NAP1L4: variants seen among roughly 807,000 people sequenced by gnomAD.
The protein encoded by NAP1L4 is nucleosome assembly protein 1-like 4.
Under a neutral mutation model 58.2 loss-of-function variants are expected in NAP1L4, and 15 were observed. That is an observed-to-expected ratio of 0.26 (90% CI 0.17 to 0.40). The LOEUF is 0.40. NAP1L4 is among the 10% of genes least tolerant of loss of function. NAP1L4 has a pLI of 1.00. For synonymous variants in NAP1L4, 171 were observed against 155.6 expected (o/e 1.10, Z -0.74); for missense variants, 384 against 451.1 (o/e 0.85, Z 1.35).
intron 1 of NAP1L4, chr11:2,989,899 T>C (rs1302469246): frequency 1.3e-5 from 2 of 152,254 alleles, no homozygotes; most frequent in Non-Finnish European, 2.9e-5. Flanking sequence ...AAGAATCTGA[T>C]GGCTAAATGG....
chr11:2,974,224 G>C (rs953354593), intron 4 of NAP1L4, among the ~76,000 whole-genome samples: 2 of 152,102 alleles, frequency 1.3e-5, no homozygotes, highest in South Asian at 4.1e-4. Context: ...TTGGTGTGCT[G>C]CACCCATTAA....
intron 9 of NAP1L4, 96 bp from the exon 10 acceptor site, chr11:2,958,640 T>C: frequency 7.6e-7 from 1 of 1,312,684 alleles, no homozygotes; most frequent in Non-Finnish European, 1.0e-6. Context: ...ATGCCAAACC[T>C]GGAAAACGAA....
intron 9 of NAP1L4, chr11:2,958,989 AGCCCCAGGG>A: frequency 2.8e-5 from 5 of 181,016 alleles, no homozygotes; most frequent in South Asian, 2.2e-4. Context: ...AGACCACTCC[AGCCCCAGGG>A]ATGCTGGCGA....
intron 8 of NAP1L4, among the ~76,000 whole-genome samples, chr11:2,963,537 G>A (rs564967925): frequency 6.6e-6 from 1 of 152,290 alleles, no homozygotes; most frequent in African/African-American, 2.4e-5. Context: ...GTGGAAAACA[G>A]ACAGGAAAAA....
Position 2,985,287 on chromosome 11 carries a change from G to T in NAP1L4, c.-17-6050C>A, listed in dbSNP as rs538331534. ...GAGGTGGTATTATAAACAAGCTAGA[G>T]TTCAGTCAAGTTTCAGCACCACAAA... On this transcript the variant is annotated intron_variant, in intron 1 of 15. Transcript: ENST00000380542. Among the ~76,000 whole-genome samples the T allele has an allele frequency of 2.0e-5, 3 of 152,284 alleles. No individual in the cohort carries two copies. The East Asian group carries it at 5.8e-4, about 29-fold the overall frequency.
Position 2,971,553 on chromosome 11 carries a change from T to G in NAP1L4, c.316-19A>C. 3.1e-6 allele frequency: 5 copies of G among 1,596,762 alleles called. No individual in the cohort carries two copies. The highest frequency in any genetic ancestry group is 4.3e-6 in the Non-Finnish European group (5 of 1,166,578). On this transcript the variant is annotated intron_variant, in intron 5 of 15. Coordinates refer to ENST00000380542, the MANE Select transcript of NAP1L4 (RefSeq NM_005969.4). The surrounding 1 kb of genome is among the most constrained non-coding windows in gnomAD (Gnocchi z 4.2). Reference sequence around the variant, plus strand: ...CTCTTCTCTACATAAAAATGAGACCTTATTAGAATTATGTTATTAGCTTAC... The same window carrying G: ...CTCTTCTCTACATAAAAATGAGACCGTATTAGAATTATGTTATTAGCTTAC...
At chr11:2,970,450 G>A (rs550498751) in intron 6 of NAP1L4, among the ~76,000 whole-genome samples, 1 of 152,064 alleles carries the variant, frequency 6.6e-6, no homozygotes, top group South Asian at 2.1e-4. Flanking sequence ...TGCCGCAGCA[G>A]TATCTGCAGC....
chr11:2,977,132 T>C (rs7102699), intron 3 of NAP1L4, among the ~76,000 whole-genome samples: 1,651 of 152,336 alleles, frequency 0.011, 34 homozygotes, highest in African/African-American at 0.038. Context: ...TAAAACTGTG[T>C]ACACATGTGT....
rs1846041224 is a variant in NAP1L4 at position 2,948,233 on chromosome 11, C to T, written c.*32+994G>A. Among the ~76,000 whole-genome samples, 1 of 152,190 alleles carries T rather than the reference C, an allele frequency of 6.6e-6. No homozygotes were observed. Among genetic ancestry groups the T allele is most frequent in the South Asian group, 2.1e-4 (1 of 4,824 alleles). On this transcript the variant is annotated intron_variant, in intron 15 of 15. Coordinates refer to ENST00000380542, the MANE Select transcript of NAP1L4 (RefSeq NM_005969.4). The surrounding 1 kb of genome is among the most constrained non-coding windows in gnomAD (Gnocchi z 5.1). Reference sequence around the variant, plus strand: ...CAAGAGCTGCATCCGCCCTATGTACCATCAGTTTCCCATGAAAGCAGCCTA... The same window carrying T: ...CAAGAGCTGCATCCGCCCTATGTACTATCAGTTTCCCATGAAAGCAGCCTA...
At chr11:2,990,099 A>G (rs1360896724) in intron 1 of NAP1L4, 2 of 151,610 alleles carry the variant, frequency 1.3e-5, no homozygotes, top group Non-Finnish European at 2.9e-5. Flanking sequence ...CCGGATTTAA[A>G]GCTTACACAA....
chr11:2,984,808 G>C (rs1848531517), intron 1 of NAP1L4, among the ~76,000 whole-genome samples: 1 of 151,662 alleles, frequency 6.6e-6, no homozygotes, highest in Admixed American at 6.6e-5. Context: ...CAGCAGGCCA[G>C]GTCTCTTTTC....
Position 2,959,692 on chromosome 11 carries a change from TTCTA to T in NAP1L4, c.746+74_746+77del. On this transcript the variant is annotated intron_variant, in intron 9 of 15. Transcript: ENST00000380542. This position sits in a 1 kb window ranked among gnomAD's most constrained non-coding sequence, Gnocchi z 4.9. ...CTCAAGACTGTACTTTATTCCTTAC[TTCTA>T]TCTTACCCATCAAGTTACAAAATTA... 6.5e-7 allele frequency: 1 copy of T among 1,544,762 alleles called. No homozygotes were observed. Among genetic ancestry groups the T allele is most frequent in the Non-Finnish European group, 8.9e-7 (1 of 1,127,242 alleles).
intron 9 of NAP1L4, chr11:2,958,745 G>A: frequency 5.2e-6 from 3 of 576,048 alleles, no homozygotes; most frequent in Non-Finnish European, 9.1e-6. Flanking sequence ...CAACTTGGGT[G>A]TGACCACTGG....
At chr11:2,958,258 C>A in intron 10 of NAP1L4, 141 bp downstream of exon 10, 1 of 850,098 alleles carries the variant, frequency 1.2e-6, no homozygotes, top group Non-Finnish European at 2.0e-6. Flanking sequence ...AACAGAACAG[C>A]CTGGGACACA....
intron 10 of NAP1L4, among the ~76,000 whole-genome samples, chr11:2,957,444 C>A (rs570064289): frequency 1.2e-4 from 18 of 152,252 alleles, no homozygotes; most frequent in East Asian, 3.9e-4. Context: ...GAGACAAAAT[C>A]AAAAAATCAA....
At chr11:2,963,783 G>A in intron 8 of NAP1L4, 1 of 519,276 alleles carries the variant, frequency 1.9e-6, no homozygotes, top group South Asian at 1.4e-5. Context: ...TTGTCTCCAA[G>A]ACCTGAAACT....
At chr11:2,983,006 C>A (rs1848416167) in intron 1 of NAP1L4, among the ~76,000 whole-genome samples, 2 of 152,010 alleles carry the variant, frequency 1.3e-5, no homozygotes, top group African/African-American at 2.4e-5. Context: ...GGCAACACAG[C>A]AAGACTCCAT....
chr11:2,961,550 A>C (rs1405020220), intron 8 of NAP1L4, among the ~76,000 whole-genome samples: 3 of 151,902 alleles, frequency 2.0e-5, no homozygotes, highest in Non-Finnish European at 4.4e-5. Flanking sequence ...GTAGCCAACC[A>C]ATGGAGAGAC....
Position 2,945,756 on chromosome 11 carries a change from A to T in NAP1L4, c.*33-110T>A, listed in dbSNP as rs375866248. ...TGAATGAGTTCATTCTCATTGAAAA[A>T]AATGGTTACTGCAAATATACTTTTA... On this transcript the variant is annotated intron_variant, in intron 15 of 15. Transcript: ENST00000380542. 5 of 843,448 alleles carry T rather than the reference A, an allele frequency of 5.9e-6. No individual in the cohort carries two copies. The African/African-American group carries it at 8.7e-5, about 15-fold the overall frequency. 52.2% of individuals were successfully genotyped at this position (843,448 alleles called of 1,614,324 possible).
Sources: gnomAD v4.1 joint callset for allele counts (sites outside exome capture counted in the v4.1 genomes callset) on GRCh38, gnomAD v4.1.1 for gene constraint, Gnocchi (gnomAD v3.1) non-coding constraint, MANE v1.5 for transcripts, NCBI Gene and HGNC (gene_info 2026-07-23, HGNC 2026-07-21) for gene names.